The following S100A12 variants were observed in gnomAD, a reference collection of about 807,000 sequenced individuals.
S100A12 encodes the protein protein S100-A12.
A neutral mutation model predicts 4.0 loss-of-function variants in S100A12; 3 were observed. The observed-to-expected ratio is 0.75, with a 90% CI of 0.34 to 1.94. The LOEUF (loss-of-function observed/expected upper bound fraction) is 1.94. Among genes scored for constraint, S100A12 ranks in the 30% most tolerant of loss-of-function variants. S100A12 has a pLI of 0.07. For synonymous variants in S100A12, 50 were observed against 41.4 expected, an observed-to-expected ratio of 1.21 and a Z score of -0.79; for missense variants, 122 against 107.0, an observed-to-expected ratio of 1.14 and a Z score of -0.62.
intron 1 of S100A12, 64 bp from the exon 2 acceptor site, chr1:153,374,676 C>T (rs971420511): frequency 5.4e-6 from 6 of 1,104,598 alleles, no homozygotes; most frequent in African/African-American, 1.6e-5. Context: ...CCACTCTCCC[C>T]TCTCTTTCTG....
intron 1 of S100A12, among the ~76,000 whole-genome samples, chr1:153,375,221 T>C (rs1661707313): frequency 6.6e-6 from 1 of 152,114 alleles, no homozygotes; most frequent in Non-Finnish European, 1.5e-5. Context: ...TAATTTTTTG[T>C]ATTTTTTTAG....
intron 1 of S100A12, among the ~76,000 whole-genome samples, chr1:153,374,976 C>A (rs988253039): frequency 1.3e-5 from 2 of 152,188 alleles, no homozygotes; most frequent in African/African-American, 2.4e-5. Context: ...ACATATCCCC[C>A]ACAAATGGTC....
Position 153,373,845 on chromosome 1 carries a change from G to A in S100A12, c.261C>T (p.Tyr87=). Residue 87 remains tyrosine, a synonymous_variant, in exon 3 of 3, where the codon TAC becomes TAT. Coordinates refer to ENST00000368737, the MANE Select transcript of S100A12 (RefSeq NM_005621.2). ...GAGCTACCTACTCTTTGTGGGTGTGGTAATGGGCAGCCTTCAGCGCAATGG... is the reference window on the plus strand; with the variant it reads ...GAGCTACCTACTCTTTGTGGGTGTGATAATGGGCAGCCTTCAGCGCAATGG... ...LVAIALKAAH[Y]HTHKE 3.7e-6 allele frequency: 6 copies of A among 1,613,822 alleles called. No homozygotes were observed. Among genetic ancestry groups the A allele is most frequent in the Middle Eastern group, 1.6e-4 (1 of 6,062 alleles).
In S100A12 at chr1:153,374,549, A is replaced by C; in HGVS notation, c.44T>G (p.Phe15Cys). The C allele has an allele frequency of 6.2e-7, 1 of 1,613,862 alleles. No individual in the cohort carries two copies. ...CCCCTTCCGAACTGAGTATTGGTGG[A>C]AGATATTGACAATTCCCTCCAGATG... ...EEHLEGIVNIFHQYSVRKGHF... is the reference protein window; with the variant it reads ...EEHLEGIVNICHQYSVRKGHF... Residue 15 changes from phenylalanine (F) to cysteine (C), a missense_variant, in exon 2 of 3, where the codon TTC (phenylalanine) becomes TGC (cysteine). Physicochemically the swap from Phe to Cys is radical, Grantham distance 205 (BLOSUM62 -2). Transcript: ENST00000368737.
In S100A12 at chr1:153,374,538, A is replaced by T; in HGVS notation, c.55T>A (p.Ser19Thr). The T allele has an allele frequency of 6.2e-7, 1 of 1,613,862 alleles. No homozygotes were observed. Among genetic ancestry groups the T allele is most frequent in the Non-Finnish European group, 8.5e-7 (1 of 1,179,790 alleles). ...GTGTCAAAATGCCCCTTCCGAACTG[A>T]GTATTGGTGGAAGATATTGACAATT... ...EGIVNIFHQY[S>T]VRKGHFDTLS... The change falls in exon 2 of 3, where the codon TCA becomes ACA. Residue 19 changes from serine to threonine, a missense_variant. Transcript: ENST00000368737.
Position 153,374,991 on chromosome 1 carries a change from A to T in S100A12, c.-20-379T>A, listed in dbSNP as rs547001516. ...ACATATCCCCCACAAATGGTCCATA[A>T]CCCACCCCTGCTTAGCCATTCTTTT... is the stretch of plus-strand genomic sequence containing the variant. On this transcript the variant is annotated intron_variant, in intron 1 of 2. Transcript: ENST00000368737. Among the ~76,000 whole-genome samples, 4 of 152,116 alleles carry T rather than the reference A, an allele frequency of 2.6e-5. No homozygotes were observed. In the East Asian group the frequency reaches 7.8e-4, roughly 30 times the overall value.
At chr1:153,375,172 G>A (rs577693967) in intron 1 of S100A12, among the ~76,000 whole-genome samples, 34 of 152,122 alleles carry the variant, frequency 2.2e-4, no homozygotes, top group African/African-American at 5.5e-4. Context: ...CCAGCCTCCC[G>A]AGTAGCTGGG....
At chr1:153,374,314 G>A (rs1489017022) in intron 2 of S100A12, 141 bp downstream of exon 2, 2 of 739,506 alleles carry the variant, frequency 2.7e-6, no homozygotes, top group Non-Finnish European at 2.2e-6. Context: ...CTCTCCCACA[G>A]CAGCGGGGAG....
chr1:153,374,458 G>A lies in S100A12; in HGVS notation c.135C>T (p.Ile45=), dbSNP rs1233405975. The change falls in exon 2 of 3, where the codon ATC becomes ATT. Residue 45 remains isoleucine (I), a synonymous_variant. Transcript: ENST00000368737. ...QLLTKELANT[I]KNIKDKAVID... is the part of the protein sequence containing the mutation. Reference sequence around the variant, plus strand: ...CAGTGAGAGGGGCATCACCTACCTTGATGGTGTTTGCAAGCTCCTTTGTAA... The same window carrying A: ...CAGTGAGAGGGGCATCACCTACCTTAATGGTGTTTGCAAGCTCCTTTGTAA... 2 of 1,613,034 alleles carry A rather than the reference G, an allele frequency of 1.2e-6. No homozygotes were observed. Among genetic ancestry groups the A allele is most frequent in the Admixed American group, 3.3e-5 (2 of 59,898 alleles).
Position 153,373,972 on chromosome 1 carries a change from G to GA in S100A12, c.139-6dup, listed in dbSNP as rs764182120. ...GACAGCTTTATCTTTGATATTCTAGGAAAAAAGGACAACAGAGACCTTGAG... is the reference window on the plus strand; with the variant it reads ...GACAGCTTTATCTTTGATATTCTAGGAAAAAAAGGACAACAGAGACCTTGAG... On this transcript the variant is annotated splice_region_variant and splice_polypyrimidine_tract_variant and intron_variant, in intron 2 of 2. Coordinates refer to ENST00000368737, the MANE Select transcript of S100A12 (RefSeq NM_005621.2). 1.9e-4 allele frequency: 309 copies of GA among 1,613,292 alleles called. No homozygotes were observed. The highest frequency in any genetic ancestry group is 2.5e-4 in the Non-Finnish European group (294 of 1,179,466).
chr1:153,375,175 T>C (rs943177040), intron 1 of S100A12, among the ~76,000 whole-genome samples: 7 of 152,060 alleles, frequency 4.6e-5, no homozygotes, highest in Non-Finnish European at 1.0e-4. Flanking sequence ...GCCTCCCGAG[T>C]AGCTGGGACT....
Position 153,373,909 on chromosome 1 carries a change from TC to T in S100A12, c.196del (p.Asp66MetfsTer13). The T allele has an allele frequency of 6.2e-7, 1 of 1,613,036 alleles. No individual in the cohort carries two copies. The highest frequency in any genetic ancestry group is 8.5e-7 in the Non-Finnish European group (1 of 1,178,976). On this transcript the variant is annotated frameshift_variant, in exon 3 of 3. Transcript: ENST00000368737. LOFTEE classifies it low-confidence loss of function (END_TRUNC). ...EIFQGLDANQ[D>X]EQVDFQEFIS... ...GAATTCTTGAAAGTCGACCTGTTCA[TC>T]TTGATTAGCATCCAGGCCTTGGAAT...
chr1:153,374,834 G>A (rs1203918310), intron 1 of S100A12, among the ~76,000 whole-genome samples: 2 of 152,164 alleles, frequency 1.3e-5, no homozygotes, highest in African/African-American at 2.4e-5. Context: ...ATCAGCCTCA[G>A]TTGCCCATGT....
chr1:153,375,234 G>A (rs929237487), intron 1 of S100A12, among the ~76,000 whole-genome samples: 3 of 152,032 alleles, frequency 2.0e-5, no homozygotes, highest in Non-Finnish European at 4.4e-5. Flanking sequence ...TTTTTTAGTA[G>A]AGACGGGGTT....
At chr1:153,375,203 C>T (rs532956212) in intron 1 of S100A12, among the ~76,000 whole-genome samples, 13 of 152,226 alleles carry the variant, frequency 8.5e-5, no homozygotes, top group Middle Eastern at 3.4e-3. Context: ...CCCGCCACCA[C>T]GCCCGGCTAA....
rs1051582969 is a variant in S100A12, at chr1:153,374,720, A to G, written c.-20-108T>C. ...GCCTAAAGAAAACATAACATCCTCC[A>G]TATCTATTTTGTGGTCTCTGCTCTG... On this transcript the variant is annotated intron_variant, in intron 1 of 2. Transcript: ENST00000368737. 8.7e-5 allele frequency: 64 copies of G among 734,350 alleles called. No individual in the cohort carries two copies. The African/African-American group carries it at 1.1e-3, about 12-fold the overall frequency. The allele number at this position is 734,350 out of a possible 1,614,324, so 45.5% of individuals were successfully genotyped here.
At chr1:153,374,686 G>C (rs1661689624) in intron 1 of S100A12, 74 bp from the exon 2 acceptor site, 1 of 980,178 alleles carries the variant, frequency 1.0e-6, no homozygotes, top group African/African-American at 1.6e-5. Context: ...CTCTCTTTCT[G>C]AATCAAGGGC....
intron 2 of S100A12, among the ~76,000 whole-genome samples, 164 bp downstream of exon 2, chr1:153,374,291 G>C (rs1661681756): frequency 6.6e-6 from 1 of 152,126 alleles, no homozygotes; most frequent in Non-Finnish European, 1.5e-5. Context: ...ATTGAGAGAG[G>C]GAAGCAAAGG....
chr1:153,374,833 A>C (rs1281470472), intron 1 of S100A12, among the ~76,000 whole-genome samples: 1 of 152,192 alleles, frequency 6.6e-6, no homozygotes, highest in South Asian at 2.1e-4. Flanking sequence ...AATCAGCCTC[A>C]GTTGCCCATG....
Sources: gnomAD v4.1 joint callset for allele counts (sites outside exome capture counted in the v4.1 genomes callset) on GRCh38, gnomAD v4.1.1 for gene constraint, MANE v1.5 for transcripts, NCBI Gene and HGNC (gene_info 2026-07-23, HGNC 2026-07-21) for gene names.